Variants in PIK3C2G observed in about 807,000 individuals in gnomAD.
PIK3C2G encodes the protein phosphatidylinositol 3-kinase C2 domain-containing subunit gamma.
A neutral mutation model predicts 181.1 loss-of-function variants in PIK3C2G; 168 were observed. The observed-to-expected ratio is 0.93, with a 90% confidence interval of 0.82 to 1.05. The LOEUF (loss-of-function observed/expected upper bound fraction) is 1.05. Ranked by LOEUF, PIK3C2G falls within the 50% of genes least tolerant of loss-of-function variation. PIK3C2G has a pLI of 0.00. For missense variants in PIK3C2G, 1,869 were observed against 1,732.8 expected, an observed-to-expected ratio of 1.08 and a Z score of -1.40; for synonymous variants, 573 against 592.2, an observed-to-expected ratio of 0.97 and a Z score of 0.47.
At chr12:18,697,122 A>G in the PIK3C2G span, among the ~76,000 whole-genome samples, 2 of 152,104 alleles carry the variant, frequency 1.3e-5, no homozygotes, top group Non-Finnish European at 2.9e-5. Flanking sequence ...TTTTCATTAA[A>G]CAGATCCTGT....
chr12:18,593,430 G>A (rs371904527), intron 29 of PIK3C2G, among the ~76,000 whole-genome samples: 1 of 151,824 alleles, frequency 6.6e-6, no homozygotes, highest in East Asian at 1.9e-4. Context: ...ACAGTCATTA[G>A]CAGAGAAGGA....
intron 18 of PIK3C2G, among the ~76,000 whole-genome samples, chr12:18,479,311 C>T (rs1939326194): frequency 6.6e-6 from 1 of 151,998 alleles, no homozygotes; most frequent in South Asian, 2.1e-4. Context: ...GCATAAGAGT[C>T]TCGGGCTAAC....
At chr12:18,489,301 T>C (rs1565442184) in intron 19 of PIK3C2G, among the ~76,000 whole-genome samples, 1 of 152,092 alleles carries the variant, frequency 6.6e-6, no homozygotes, top group Non-Finnish European at 1.5e-5. Flanking sequence ...TATTATTCAA[T>C]AATAATTAAC....
intron 22 of PIK3C2G, among the ~76,000 whole-genome samples, chr12:18,498,349 A>C (rs1941178107): frequency 6.6e-6 from 1 of 152,212 alleles, no homozygotes; most frequent in Admixed American, 6.5e-5. Flanking sequence ...TAGACCACCC[A>C]AATTATTACT....
At chr12:18,544,865 A>G (rs913125558) in intron 25 of PIK3C2G, among the ~76,000 whole-genome samples, 2 of 151,752 alleles carry the variant, frequency 1.3e-5, no homozygotes, top group African/African-American at 4.8e-5. Context: ...GACCCTCTCA[A>G]TATGTCCAAT....
intron 3 of PIK3C2G, among the ~76,000 whole-genome samples, chr12:18,290,074 C>A (rs1346155445): frequency 1.3e-5 from 2 of 152,112 alleles, no homozygotes; most frequent in Non-Finnish European, 2.9e-5. Context: ...TTTTACATGT[C>A]TTTTCTATTG....
the PIK3C2G span, chr12:18,712,918 AC>A: frequency 6.2e-7 from 1 of 1,613,988 alleles, no homozygotes; most frequent in Non-Finnish European, 8.5e-7. Flanking sequence ...GCCATGATAT[AC>A]AACAGGTTCA....
chr12:18,444,695 A>G (rs1246231719), intron 18 of PIK3C2G, among the ~76,000 whole-genome samples: 1 of 152,086 alleles, frequency 6.6e-6, no homozygotes, highest in African/African-American at 2.4e-5. Flanking sequence ...CTTCAGTGGG[A>G]TTGAACTGAT....
At chr12:18,257,181 G>A (rs544480008), upstream of PIK3C2G, among the ~76,000 whole-genome samples, 1 of 152,226 alleles carries the variant, frequency 6.6e-6, no homozygotes, top group African/African-American at 2.4e-5. Flanking sequence ...CTCTCAAAAG[G>A]GAGGTTGAAA....
In PIK3C2G at chr12:18,362,814, T is replaced by C. The variant is rs1158700608; in HGVS notation, c.1676T>C (p.Leu559Pro). ...TCWLTYAGKK[L>P]CQVRNYRNIP... ...TGGCTTACATATGCTGGAAAGAAGC[T>C]GTGCCAAGTGAGAAACTACAGAAAT... The change falls in exon 12 of 33, where the codon CTG becomes CCG. Residue 559 changes from leucine (L) to proline (P), a missense_variant. Physicochemically the swap from Leu to Pro is moderately conservative, Grantham distance 98 (BLOSUM62 -3). Transcript: ENST00000538779. The C allele has an allele frequency of 4.6e-6, 7 of 1,523,356 alleles. No individual in the cohort carries two copies. The highest frequency in any genetic ancestry group is 1.4e-5 in the African/African-American group (1 of 72,550). 94.4% of individuals were successfully genotyped at this position (1,523,356 alleles called of 1,614,324 possible).
rs1265953631 is a variant in PIK3C2G at position 18,335,797 on chromosome 12, A to G, written c.1273-2629A>G. On this transcript the variant is annotated intron_variant, in intron 8 of 32. Coordinates refer to ENST00000538779, the MANE Select transcript of PIK3C2G (RefSeq NM_001288772.2). The stretch of plus-strand genomic sequence containing the variant: ...CTAGCAATCTCAGTTATGCATGAAT[A>G]TAATGATTATCTTCAGAATGTCAGA... Among the ~76,000 whole-genome samples, 5 of 152,196 alleles carry G rather than the reference A, an allele frequency of 3.3e-5. No individual in the cohort carries two copies. In the East Asian group the frequency reaches 7.7e-4, roughly 23 times the overall value.
chr12:18,341,396 T>G (rs11831179), intron 9 of PIK3C2G, among the ~76,000 whole-genome samples: 3 of 152,160 alleles, frequency 2.0e-5, no homozygotes, highest in African/African-American at 4.8e-5. Flanking sequence ...GTGATATTTC[T>G]TTGAAACTTT....
chr12:18,547,532 A>G (rs1351077480), intron 26 of PIK3C2G, among the ~76,000 whole-genome samples: 1 of 152,020 alleles, frequency 6.6e-6, no homozygotes, highest in African/African-American at 2.4e-5. Context: ...CTTGCCCACA[A>G]TTAGTAGAAG....
chr12:18,635,184 C>A (rs1949536768), intron 31 of PIK3C2G, among the ~76,000 whole-genome samples: 1 of 152,152 alleles, frequency 6.6e-6, no homozygotes, highest in Non-Finnish European at 1.5e-5. Flanking sequence ...GCAGAACTAT[C>A]CGTAAACCAG....
intron 18 of PIK3C2G, among the ~76,000 whole-genome samples, chr12:18,456,402 G>A (rs887918062): frequency 6.6e-6 from 1 of 152,062 alleles, no homozygotes; most frequent in Non-Finnish European, 1.5e-5. Flanking sequence ...CCTGCAGAAA[G>A]AGAGGGGCTC....
intron 24 of PIK3C2G, among the ~76,000 whole-genome samples, chr12:18,528,456 CA>C (rs1943364748): frequency 6.6e-6 from 1 of 151,996 alleles, no homozygotes; most frequent in Non-Finnish European, 1.5e-5. Context: ...ATAATAAAAA[CA>C]AAATGTGCCT....
At chr12:18,579,952 G>A (rs1221060191) in intron 29 of PIK3C2G, among the ~76,000 whole-genome samples, 1 of 152,046 alleles carries the variant, frequency 6.6e-6, no homozygotes. Flanking sequence ...GGCCAACATG[G>A]TGAAACCCTG....
intron 24 of PIK3C2G, among the ~76,000 whole-genome samples, chr12:18,518,436 T>A (rs1942694060): frequency 6.6e-6 from 1 of 152,174 alleles, no homozygotes; most frequent in Non-Finnish European, 1.5e-5. Flanking sequence ...TATTCAGGGA[T>A]TTGACTTCCT....
At chr12:18,669,660 CCT>C in the PIK3C2G span, among the ~76,000 whole-genome samples, 1 of 148,302 alleles carries the variant, frequency 6.7e-6, no homozygotes, top group Non-Finnish European at 1.5e-5. Context: ...GGTGTCTCTT[CCT>C]CTCTTTTTTT....
Sources: gnomAD v4.1 joint callset for allele counts (sites outside exome capture counted in the v4.1 genomes callset) on GRCh38, gnomAD v4.1.1 for gene constraint, MANE v1.5 for transcripts, NCBI Gene and HGNC (gene_info 2026-07-23, HGNC 2026-07-21) for gene names.